The following BASP1 variants were observed in gnomAD, a reference collection of about 807,000 sequenced individuals.
The protein encoded by BASP1 is brain abundant membrane attached signal protein 1.
A neutral mutation model predicts 2.2 loss-of-function variants in BASP1; 1 was observed. That is an observed-to-expected ratio of 0.46 (90% CI 0.16 to 2.17). The LOEUF (loss-of-function observed/expected upper bound fraction) is 2.17. BASP1 is among the 30% of genes most tolerant of loss of function. The pLI is 0.27. For synonymous variants in BASP1, 187 were observed against 154.2 expected, an observed-to-expected ratio of 1.21 and a Z score of -1.58; for missense variants, 352 against 327.2, an observed-to-expected ratio of 1.08 and a Z score of -0.58.
chr5:17,266,185 A>G (rs1740412331), intron 1 of BASP1, among the ~76,000 whole-genome samples: 1 of 152,202 alleles, frequency 6.6e-6, no homozygotes, highest in Non-Finnish European at 1.5e-5. Flanking sequence ...TGTGTCTCTG[A>G]CAGTGTCCTG....
chr5:17,263,326 G>A (rs1270865142), intron 1 of BASP1, among the ~76,000 whole-genome samples: 1 of 150,964 alleles, frequency 6.6e-6, no homozygotes, highest in Non-Finnish European at 1.5e-5. Flanking sequence ...ATAGAGACAG[G>A]GTCTCACTAT....
chr5:17,247,534 T>C (rs938449390), intron 1 of BASP1, among the ~76,000 whole-genome samples: 2 of 152,248 alleles, frequency 1.3e-5, no homozygotes, highest in Non-Finnish European at 2.9e-5. Context: ...GTAGTTTCTG[T>C]ATATTTTCAG....
chr5:17,274,995 T>C (rs1740600679), intron 1 of BASP1, among the ~76,000 whole-genome samples: 1 of 152,082 alleles, frequency 6.6e-6, no homozygotes, highest in African/African-American at 2.4e-5. Context: ...CACCACGGCA[T>C]TCCAGCCTGG....
intron 1 of BASP1, among the ~76,000 whole-genome samples, chr5:17,253,836 T>C (rs1740148984): frequency 6.6e-6 from 1 of 152,156 alleles, no homozygotes; most frequent in Non-Finnish European, 1.5e-5. Flanking sequence ...AATTTACGTG[T>C]GTTTTACTCA....
Position 17,275,425 on chromosome 5 carries a change from A to C in BASP1, c.209A>C (p.Glu70Ala). 1 of 1,544,196 alleles carries C rather than the reference A, an allele frequency of 6.5e-7. No individual in the cohort carries two copies. The highest frequency in any genetic ancestry group is 8.7e-7 in the Non-Finnish European group (1 of 1,147,618). Reference sequence around the variant, plus strand: ...GCCGAGGGCAAGGCCGAGGAGAAGGAGGGCGAGAAGGACGCGGCGGCTGCC... The same window carrying C: ...GCCGAGGGCAAGGCCGAGGAGAAGGCGGGCGAGAAGGACGCGGCGGCTGCC... ...QDAEGKAEEK[E>A]GEKDAAAAKE... Residue 70 changes from glutamate (E) to alanine (A), a missense_variant, in exon 2 of 2, where the codon GAG becomes GCG. Physicochemically the swap from Glu to Ala is moderately radical, Grantham distance 107. Transcript: ENST00000322611. The surrounding 1 kb of genome is among the most constrained non-coding windows in gnomAD (Gnocchi z 5.3).
chr5:17,251,595 A>G lies in BASP1; in HGVS notation c.-9-23613A>G, dbSNP rs1056010397. ...AGAACAAAAGCTTTCTCAGAAGGCC[A>G]TGCAGTATTTCAGCTCATATTTTGT... On this transcript the variant is annotated intron_variant, in intron 1 of 1. Coordinates refer to ENST00000322611, the MANE Select transcript of BASP1 (RefSeq NM_006317.5). This position sits in a 1 kb window ranked among gnomAD's most constrained non-coding sequence, Gnocchi z 4.0. Among the ~76,000 whole-genome samples the G allele has an allele frequency of 1.6e-4, 24 of 152,238 alleles. No homozygotes were observed. The highest frequency in any genetic ancestry group is 5.8e-4 in the African/African-American group (24 of 41,472).
At position 17,246,210 on chromosome 5, in the gene BASP1, G is replaced by T. The variant is rs998562046; in HGVS notation, c.-10+28400G>T. Among the ~76,000 whole-genome samples, 3 of 152,016 alleles carry T rather than the reference G, an allele frequency of 2.0e-5. No individual in the cohort carries two copies. In the South Asian group the frequency reaches 6.2e-4, roughly 31 times the overall value. ...TAAAATAAAAGACCTGGCCGGGCGC[G>T]GTGGCTCACGCCTGTAATCCCAGCA... On this transcript the variant is annotated intron_variant, in intron 1 of 1. Transcript: ENST00000322611.
intron 1 of BASP1, among the ~76,000 whole-genome samples, chr5:17,257,284 C>T (rs1740233411): frequency 6.6e-6 from 1 of 151,084 alleles, no homozygotes; most frequent in African/African-American, 2.4e-5. Flanking sequence ...AGGCTATAAC[C>T]TAGAATTTAA....
At chr5:17,217,456 G>A (rs1280192070), upstream of BASP1, 1 of 115,524 alleles carries the variant, frequency 8.7e-6, no homozygotes, top group Non-Finnish European at 1.8e-5. Context: ...TGGAGCTGGA[G>A]GGGGTGGAGG....
intron 1 of BASP1, among the ~76,000 whole-genome samples, chr5:17,240,895 T>A (rs1739849394): frequency 6.6e-6 from 1 of 152,164 alleles, no homozygotes; most frequent in Non-Finnish European, 1.5e-5. Flanking sequence ...TGATCTTAAG[T>A]TGGAAACATA....
At chr5:17,253,995 A>C (rs1211251398) in intron 1 of BASP1, among the ~76,000 whole-genome samples, 1 of 152,106 alleles carries the variant, frequency 6.6e-6, no homozygotes, top group Non-Finnish European at 1.5e-5. Flanking sequence ...TAGAACTTGC[A>C]TGTTGATAGC....
rs1306002024 is a variant in BASP1, at chr5:17,276,275, A to C, written c.*375A>C. ...TGCACTCCTCCACCGCTGAGAGTTG[A>C]ATAGCTTTTCTTCTGCAATGGGAGT... On this transcript the variant is annotated 3_prime_UTR_variant, in exon 2 of 2. Coordinates refer to ENST00000322611, the MANE Select transcript of BASP1 (RefSeq NM_006317.5). 1 of 183,218 alleles carries C rather than the reference A, an allele frequency of 5.5e-6. No homozygotes were observed. The highest frequency in any genetic ancestry group is 2.4e-5 in the African/African-American group (1 of 42,218). The allele number at this position is 183,218 out of a possible 1,614,324, so 11.3% of individuals were successfully genotyped here.
chr5:17,250,002 G>A (rs1301496710), intron 1 of BASP1, among the ~76,000 whole-genome samples: 1 of 152,148 alleles, frequency 6.6e-6, no homozygotes, highest in African/African-American at 2.4e-5. Flanking sequence ...GAGTGCAGTG[G>A]TGTGATCTCA....
In BASP1 at chr5:17,275,884, T is replaced by G; in HGVS notation, c.668T>G (p.Val223Gly). The G allele has an allele frequency of 6.3e-7, 1 of 1,592,520 alleles. No individual in the cohort carries two copies. The highest frequency in any genetic ancestry group is 8.5e-7 in the Non-Finnish European group (1 of 1,171,338). Residue 223 changes from valine to glycine, a missense_variant, in exon 2 of 2, where the codon GTA becomes GGA. Physicochemically the swap from Val to Gly is moderately radical, Grantham distance 109. Coordinates refer to ENST00000322611, the MANE Select transcript of BASP1 (RefSeq NM_006317.5). This position sits in a 1 kb window ranked among gnomAD's most constrained non-coding sequence, Gnocchi z 5.3. The stretch of plus-strand genomic sequence containing the variant: ...CCGGCAGCTAATTCCGACCAAACCG[T>G]AACCGTGAAAGAGTGACAAGGACAG... ...EAPAANSDQT[V>G]TVKE
chr5:17,225,605 GTA>G (rs917410780), intron 1 of BASP1, among the ~76,000 whole-genome samples: 1 of 152,182 alleles, frequency 6.6e-6, no homozygotes, highest in African/African-American at 2.4e-5. Flanking sequence ...GCGATGGTGG[GTA>G]TGTGTTTGAA....
intron 1 of BASP1, among the ~76,000 whole-genome samples, chr5:17,258,467 C>G (rs1579497464): frequency 6.6e-6 from 1 of 152,070 alleles, no homozygotes; most frequent in Admixed American, 6.5e-5. Context: ...CATGCTGAGC[C>G]CACTAATTAA....
intron 1 of BASP1, among the ~76,000 whole-genome samples, chr5:17,227,519 A>G (rs1739537380): frequency 6.6e-6 from 1 of 152,044 alleles, no homozygotes; most frequent in Admixed American, 6.6e-5. Flanking sequence ...CTTTTGCCCC[A>G]GCCTCCAAAG....
intron 1 of BASP1, among the ~76,000 whole-genome samples, chr5:17,273,145 G>T (rs960902764): frequency 1.3e-5 from 2 of 152,164 alleles, no homozygotes; most frequent in African/African-American, 2.4e-5. Context: ...ATTATATTTG[G>T]TATAGGCCAT....
chr5:17,271,979 T>C (rs1740538418), intron 1 of BASP1, among the ~76,000 whole-genome samples: 1 of 151,130 alleles, frequency 6.6e-6, no homozygotes, highest in Non-Finnish European at 1.5e-5. Flanking sequence ...GGCAGGAGAA[T>C]TGCTTGAACC....
Sources: gnomAD v4.1 joint callset for allele counts (sites outside exome capture counted in the v4.1 genomes callset) on GRCh38, gnomAD v4.1.1 for gene constraint, Gnocchi (gnomAD v3.1) non-coding constraint, MANE v1.5 for transcripts, NCBI Gene and HGNC (gene_info 2026-07-23, HGNC 2026-07-21) for gene names.